CNTN5: variants seen among roughly 807,000 people sequenced by gnomAD.
The protein encoded by CNTN5 is contactin 5.
In CNTN5, 77 loss-of-function variants were observed where a neutral mutation model predicts 129.1. That is an observed-to-expected ratio of 0.60 (90% confidence interval 0.50 to 0.72). The LOEUF (loss-of-function observed/expected upper bound fraction) is 0.72, where lower values mean the gene tolerates loss of function less well. CNTN5 is among the 30% of genes least tolerant of loss of function. CNTN5 has a pLI of 0.00. For missense variants in CNTN5, 1,478 were observed against 1,328.8 expected (o/e 1.11, Z -1.75); for synonymous variants, 509 against 465.6 (o/e 1.09, Z -1.20).
chr11:99,939,962 C>T (rs936505627), intron 7 of CNTN5, among the ~76,000 whole-genome samples: 1 of 152,114 alleles, frequency 6.6e-6, no homozygotes, highest in African/African-American at 2.4e-5. Context: ...CACCAAATAA[C>T]CCAAATGGTT....
At chr11:99,668,473 G>A (rs1159601028) in intron 3 of CNTN5, among the ~76,000 whole-genome samples, 1 of 152,104 alleles carries the variant, frequency 6.6e-6, no homozygotes, top group Non-Finnish European at 1.5e-5. Flanking sequence ...GAACAGCTGT[G>A]AAAGGACCAC....
chr11:99,063,264 A>T (rs1864960992), intron 1 of CNTN5, among the ~76,000 whole-genome samples: 1 of 152,220 alleles, frequency 6.6e-6, no homozygotes, highest in Admixed American at 6.6e-5. Context: ...GTTCGAGGAC[A>T]TGCTTCTCTT....
At chr11:99,888,910 G>A (rs1337091583) in intron 6 of CNTN5, among the ~76,000 whole-genome samples, 1 of 152,134 alleles carries the variant, frequency 6.6e-6, no homozygotes, top group African/African-American at 2.4e-5. Context: ...ACTAAATGAG[G>A]AAAATGCTCA....
chr11:100,235,675 G>T (rs1243516231), intron 16 of CNTN5, among the ~76,000 whole-genome samples: 1 of 152,084 alleles, frequency 6.6e-6, no homozygotes, highest in Non-Finnish European at 1.5e-5. Flanking sequence ...GGAACCATGG[G>T]TTATGGAAAA....
chr11:99,126,542 C>G (rs776818676), intron 1 of CNTN5, among the ~76,000 whole-genome samples: 12 of 152,142 alleles, frequency 7.9e-5, no homozygotes, highest in Non-Finnish European at 1.5e-4. Context: ...TTGGTCCAAG[C>G]AGTGACTGCT....
intron 6 of CNTN5, among the ~76,000 whole-genome samples, chr11:99,882,179 G>C (rs926214798): frequency 6.6e-6 from 1 of 152,172 alleles, no homozygotes; most frequent in South Asian, 2.1e-4. Flanking sequence ...ATAATACATA[G>C]ATAACACCCT....
At chr11:100,136,165 G>A (rs1565275291) in intron 13 of CNTN5, among the ~76,000 whole-genome samples, 1 of 152,096 alleles carries the variant, frequency 6.6e-6, no homozygotes, top group Non-Finnish European at 1.5e-5. Context: ...GATTGTCAAA[G>A]CAGACGTACA....
chr11:99,115,962 T>A (rs572741760), intron 1 of CNTN5, among the ~76,000 whole-genome samples: 1 of 152,168 alleles, frequency 6.6e-6, no homozygotes, highest in Non-Finnish European at 1.5e-5. Flanking sequence ...AAAGAAGAGG[T>A]TTGGTGAAAA....
At chr11:99,486,887 A>C (rs1345689077) in intron 2 of CNTN5, among the ~76,000 whole-genome samples, 1 of 152,206 alleles carries the variant, frequency 6.6e-6, no homozygotes, top group Non-Finnish European at 1.5e-5. Context: ...TTTATTGGCT[A>C]TAAAATGATG....
chr11:100,159,476 C>T (rs887819387), intron 13 of CNTN5, among the ~76,000 whole-genome samples: 4 of 151,810 alleles, frequency 2.6e-5, no homozygotes, highest in African/African-American at 4.8e-5. Context: ...TATACTTCTG[C>T]TGTTGAGCTT....
chr11:99,483,228 T>G (rs1490010727), intron 2 of CNTN5, among the ~76,000 whole-genome samples: 3 of 125,654 alleles, frequency 2.4e-5, no homozygotes, highest in Non-Finnish European at 3.4e-5. Flanking sequence ...CAAAAGGAAG[T>G]AAAGTGCACT....
chr11:99,510,275 AT>A (rs1946786068), intron 2 of CNTN5, among the ~76,000 whole-genome samples: 1 of 152,094 alleles, frequency 6.6e-6, no homozygotes. Context: ...AACATATCGG[AT>A]TGAAAGATTT....
chr11:100,044,848 TTA>T (rs1251939342), intron 9 of CNTN5, among the ~76,000 whole-genome samples: 1 of 152,118 alleles, frequency 6.6e-6, no homozygotes, highest in African/African-American at 2.4e-5. Context: ...GAGACCTGTA[TTA>T]TACTATACTG....
intron 2 of CNTN5, among the ~76,000 whole-genome samples, chr11:99,553,661 T>C (rs1474904909): frequency 6.6e-6 from 1 of 151,982 alleles, no homozygotes. Flanking sequence ...GTGATGGATA[T>C]CTTAATTAGC....
At chr11:99,806,816 C>T (rs1281406655) in intron 3 of CNTN5, among the ~76,000 whole-genome samples, 1 of 128,776 alleles carries the variant, frequency 7.8e-6, no homozygotes, top group Non-Finnish European at 1.6e-5. Context: ...CCACCCCCTG[C>T]AAAAAAAAAA....
At chr11:99,398,392 A>T (rs1289960524) in intron 2 of CNTN5, among the ~76,000 whole-genome samples, 1 of 151,932 alleles carries the variant, frequency 6.6e-6, no homozygotes, top group Non-Finnish European at 1.5e-5. Context: ...TGCATACATT[A>T]AGATTTACTC....
chr11:100,267,709 T>C (rs1950334340), intron 17 of CNTN5, among the ~76,000 whole-genome samples: 1 of 152,064 alleles, frequency 6.6e-6, no homozygotes. Context: ...TTGAGAGATA[T>C]TGGCAAGACC....
intron 6 of CNTN5, among the ~76,000 whole-genome samples, chr11:99,905,846 G>A (rs548130201): frequency 9.2e-5 from 14 of 152,132 alleles, no homozygotes; most frequent in African/African-American, 2.9e-4. Flanking sequence ...TCCTTGAAAC[G>A]GTCCTTCACA....
In CNTN5 at chr11:99,324,128, A is replaced by G. The variant is rs142425047; in HGVS notation, c.-209-1218A>G. On this transcript the variant is annotated intron_variant, in intron 1 of 24. Transcript: ENST00000524871. ...TTTAACAAAAATGTCAATTTCCTGA[A>G]GTTCCAAATAATATAAATAGAAGTC... Among the ~76,000 whole-genome samples, 240 of 152,326 alleles carry G rather than the reference A, an allele frequency of 1.6e-3. 2 individuals carry two copies. The highest frequency in any genetic ancestry group is 5.5e-3 in the African/African-American group (227 of 41,586).
Sources: allele counts gnomAD v4.1 joint callset (sites outside exome capture counted in the v4.1 genomes callset), GRCh38; gene constraint gnomAD v4.1.1; transcripts MANE v1.5; gene names NCBI Gene and HGNC (gene_info 2026-07-23, HGNC 2026-07-21).